IPO9: variants seen among roughly 807,000 people sequenced by gnomAD.
The protein encoded by IPO9 is importin 9, also known as importin-9.
A neutral mutation model predicts 128.6 loss-of-function variants in IPO9; 28 were observed. That is an observed-to-expected ratio of 0.22 (90% confidence interval 0.16 to 0.30). IPO9 has a LOEUF of 0.30. IPO9 is among the 10% of genes least tolerant of loss of function. The pLI, the probability that IPO9 is intolerant of heterozygous loss-of-function variation, is 1.00. For missense variants in IPO9, 935 were observed against 1,293.9 expected (o/e 0.72, Z 4.26); for synonymous variants, 455 against 475.8 (o/e 0.96, Z 0.57).
chr1:201,845,791 T>TA (rs1191019939), intron 1 of IPO9, among the ~76,000 whole-genome samples: 1 of 152,204 alleles, frequency 6.6e-6, no homozygotes, highest in Non-Finnish European at 1.5e-5. Context: ...TACAGGTACT[T>TA]AGTAGCCATT....
intron 1 of IPO9, among the ~76,000 whole-genome samples, chr1:201,834,383 C>G (rs955412880): frequency 2.0e-5 from 3 of 152,066 alleles, no homozygotes; most frequent in Admixed American, 6.6e-5. Context: ...TCAGCTTCAT[C>G]AACTCTTTTT....
intron 23 of IPO9, 112 bp from the exon 24 acceptor site, chr1:201,875,832 G>A: frequency 1.4e-6 from 1 of 720,034 alleles, no homozygotes; most frequent in Non-Finnish European, 2.5e-6. Context: ...TCAGGGAGCT[G>A]GCATTTGTCT....
chr1:201,863,312 A>G, intron 13 of IPO9, 136 bp from the exon 14 acceptor site: 1 of 793,640 alleles, frequency 1.3e-6, no homozygotes, highest in South Asian at 2.2e-5. Context: ...AGATCACGCC[A>G]TCGCACTCCA....
In IPO9 at chr1:201,845,774, G is replaced by A. The variant is rs181951653; in HGVS notation, c.164-1505G>A. Among the ~76,000 whole-genome samples, 7 of 152,184 alleles carry A rather than the reference G, an allele frequency of 4.6e-5. No individual in the cohort carries two copies. In the East Asian group the frequency reaches 1.4e-3, roughly 29 times the overall value. ...TTTATAGGCATCTCAAGTCTCACCA[G>A]CCACATTACAGGTACTTAGTAGCCA... is the stretch of plus-strand genomic sequence containing the variant. On this transcript the variant is annotated intron_variant, in intron 1 of 23. Transcript: ENST00000361565.
chr1:201,829,612 T>C, intron 1 of IPO9: 1 of 368,714 alleles, frequency 2.7e-6, no homozygotes, highest in Non-Finnish European at 4.9e-6. Context: ...GGGTGGAGAC[T>C]TGAAAAGATA....
intron 11 of IPO9, 79 bp downstream of exon 11, chr1:201,857,273 C>A: frequency 1.1e-6 from 1 of 936,468 alleles, no homozygotes. Flanking sequence ...GACAACTAAT[C>A]CAAGGTGAGC....
At chr1:201,869,362 C>A (rs2102888050) in intron 16 of IPO9, among the ~76,000 whole-genome samples, 1 of 152,348 alleles carries the variant, frequency 6.6e-6, no homozygotes, top group East Asian at 1.9e-4. Flanking sequence ...GTTATCCAAT[C>A]CACTACCATG....
At position 201,848,545 on chromosome 1, in the gene IPO9, G is replaced by A; in HGVS notation, c.465G>A (p.Leu155=). The change falls in exon 4 of 24, where the codon TTG becomes TTA. Residue 155 remains leucine (L), a synonymous_variant. Transcript: ENST00000361565. ...TCTTCAACCTGCTCATGGAGATGTT[G>A]GTGAGCGGAGACTTAAATGCCGTCC... is the stretch of plus-strand genomic sequence containing the variant. ...PQLFNLLMEM[L]VSGDLNAVHG... The A allele has an allele frequency of 6.2e-7, 1 of 1,614,172 alleles. No individual in the cohort carries two copies. The highest frequency in any genetic ancestry group is 8.5e-7 in the Non-Finnish European group (1 of 1,180,024).
chr1:201,864,006 C>G (rs191949114), intron 14 of IPO9, among the ~76,000 whole-genome samples: 92 of 151,444 alleles, frequency 6.1e-4, no homozygotes, highest in Middle Eastern at 3.4e-3. Flanking sequence ...ATAATGTGAC[C>G]TAGAAACACT....
rs760542288 is a variant in IPO9 at position 201,847,649 on chromosome 1, T to C, written c.312+11T>C. 6.3e-6 allele frequency: 10 copies of C among 1,586,458 alleles called. No individual in the cohort carries two copies. The highest frequency in any genetic ancestry group is 1.7e-4 in the Middle Eastern group (1 of 6,012). On this transcript the variant is annotated intron_variant, in intron 3 of 23. Transcript: ENST00000361565. ...GAAACTACAGAAAGGGTAAGTCAGT[T>C]ACTTGATTAGTCTACCTGAGGAGAT...
At position 201,853,049 on chromosome 1, in the gene IPO9, T is replaced by A. The variant is rs140251055; in HGVS notation, c.642T>A (p.Ile214=). 5 of 1,614,096 alleles carry A rather than the reference T, an allele frequency of 3.1e-6. No individual in the cohort carries two copies. In the African/African-American group the frequency reaches 5.3e-5, roughly 17 times the overall value. The part of the protein sequence containing the change: ...GIRTRSRAVE[I]FTTCAHMICN... ...GAACCCGTTCCCGAGCCGTGGAGAT[T>A]TTTACCACTTGTGCCCATATGATCT... is the stretch of plus-strand genomic sequence containing the variant. The change falls in exon 6 of 24, where the codon ATT becomes ATA. Residue 214 remains isoleucine (I), a synonymous_variant. Coordinates refer to ENST00000361565, the MANE Select transcript of IPO9 (RefSeq NM_018085.5).
intron 1 of IPO9, among the ~76,000 whole-genome samples, chr1:201,832,785 C>G (rs1433977038): frequency 1.3e-5 from 2 of 152,222 alleles, no homozygotes; most frequent in African/African-American, 2.4e-5. Flanking sequence ...TTAAGATTAA[C>G]TGGTCCGTTC....
At chr1:201,859,273 T>G (rs1680396326) in intron 13 of IPO9, among the ~76,000 whole-genome samples, 1 of 150,238 alleles carries the variant, frequency 6.7e-6, no homozygotes, top group Non-Finnish European at 1.5e-5. Context: ...AGGCCAGATA[T>G]TCTTGTGTCC....
In IPO9 at chr1:201,853,079, C is replaced by T; in HGVS notation, c.672C>T (p.Asn224=). ...IFTTCAHMIC[N]MEELEKGAAK... is the part of the protein sequence containing the mutation. ...CCACTTGTGCCCATATGATCTGTAACATGGAGGAGCTGGAAAAGGTAAGCA... is the reference window on the plus strand; with the variant it reads ...CCACTTGTGCCCATATGATCTGTAATATGGAGGAGCTGGAAAAGGTAAGCA... Residue 224 remains asparagine (N), a synonymous_variant, in exon 6 of 24, where the codon AAC becomes AAT. Coordinates refer to ENST00000361565, the MANE Select transcript of IPO9 (RefSeq NM_018085.5). The T allele has an allele frequency of 6.2e-7, 1 of 1,614,054 alleles. No homozygotes were observed.
chr1:201,834,203 T>G (rs1448904223), intron 1 of IPO9, among the ~76,000 whole-genome samples: 1 of 127,642 alleles, frequency 7.8e-6, no homozygotes, highest in African/African-American at 2.7e-5. Context: ...AAAACTTTTC[T>G]TTTCTTTTTT....
intron 11 of IPO9, among the ~76,000 whole-genome samples, chr1:201,857,994 A>G (rs1057020864): frequency 1.3e-5 from 2 of 152,186 alleles, no homozygotes; most frequent in Non-Finnish European, 2.9e-5. Context: ...AGAAACTGCC[A>G]CTTGCTTCTT....
At position 201,879,496 on chromosome 1, in the gene IPO9, T is replaced by G. The variant is rs1450381332; in HGVS notation, c.*3442T>G. On this transcript the variant is annotated 3_prime_UTR_variant, in exon 24 of 24. Transcript: ENST00000361565. ...GCCTTACCCATTCCACAAAAGAATT[T>G]GAAGCCATTTACACAAGAGATAGTA... 6.6e-6 allele frequency: 1 copy of G among 152,212 alleles called. No individual in the cohort carries two copies. Among genetic ancestry groups the G allele is most frequent in the Non-Finnish European group, 1.5e-5 (1 of 68,036 alleles). The allele number at this position is 152,212 out of a possible 1,614,324, so 9.4% of individuals were successfully genotyped here.
Position 201,869,713 on chromosome 1 carries a change from A to G in IPO9, c.2128A>G (p.Met710Val), listed in dbSNP as rs750627139. 2.2e-5 allele frequency: 35 copies of G among 1,614,032 alleles called. No homozygotes were observed. Among genetic ancestry groups the G allele is most frequent in the Non-Finnish European group, 3.0e-5 (35 of 1,180,000 alleles). The change falls in exon 17 of 24, where the codon ATG (methionine) becomes GTG (valine). Residue 710 changes from methionine (M) to valine (V), a missense_variant. This residue lies in a region of IPO9 where 741 missense variants were observed against 1,019.1 expected (regional missense o/e 0.73). Transcript: ENST00000361565. Reference sequence around the variant, plus strand: ...CCTTCACACAGATGACAATGCCACCATGCAGGTATCTGAGACATGGAGAGT... The same window carrying G: ...CCTTCACACAGATGACAATGCCACCGTGCAGGTATCTGAGACATGGAGAGT... The part of the protein sequence containing the change: ...CTLHTDDNAT[M>V]QNGGECLRAY...
At chr1:201,874,686 T>C (rs1680725582) in intron 21 of IPO9, 146 bp from the exon 22 acceptor site, 3 of 691,324 alleles carry the variant, frequency 4.3e-6, no homozygotes, top group Non-Finnish European at 7.7e-6. Flanking sequence ...ACCAGGAGGG[T>C]TTGGCCATTT....
Sources: gnomAD v4.1 joint callset for allele counts (sites outside exome capture counted in the v4.1 genomes callset) on GRCh38, gnomAD v4.1.1 for gene constraint, gnomAD v4.1.1 regional missense constraint, MANE v1.5 for transcripts, NCBI Gene and HGNC (gene_info 2026-07-23, HGNC 2026-07-21) for gene names.